NKAIN1: variants seen among roughly 807,000 people sequenced by gnomAD.
The protein encoded by NKAIN1 is sodium/potassium-transporting ATPase subunit beta-1-interacting protein 1.
NKAIN1 carries 13 observed loss-of-function variants against 31.6 expected under a neutral mutation model. That is an observed-to-expected ratio of 0.41 (90% CI 0.27 to 0.65). The LOEUF (loss-of-function observed/expected upper bound fraction) is 0.65. Among genes scored for constraint, NKAIN1 ranks in the 30% least tolerant of loss-of-function variants. The probability of loss-of-function intolerance (pLI) is 0.30; values close to 1 mark genes in which losing one functional copy is unlikely to be tolerated. For synonymous variants in NKAIN1, 104 were observed against 109.0 expected (o/e 0.95, Z 0.28); for missense variants, 193 against 262.2 (o/e 0.74, Z 1.82).
chr1:31,226,213 C>T (rs568555716), intron 1 of NKAIN1, among the ~76,000 whole-genome samples: 17 of 152,168 alleles, frequency 1.1e-4, no homozygotes, highest in African/African-American at 1.9e-4. Flanking sequence ...CCGCGTTAAG[C>T]GCCAGGATTT....
At chr1:31,216,157 G>A (rs573362550) in intron 1 of NKAIN1, among the ~76,000 whole-genome samples, 2 of 151,756 alleles carry the variant, frequency 1.3e-5, no homozygotes, top group South Asian at 4.2e-4. Flanking sequence ...AGGAGCACGG[G>A]GGAACGGAAT....
In NKAIN1 at chr1:31,181,659, C is replaced by A; in HGVS notation, c.*44G>T. The A allele has an allele frequency of 5.6e-6, 8 of 1,429,574 alleles. No homozygotes were observed. Among genetic ancestry groups the A allele is most frequent in the South Asian group, 1.6e-5 (1 of 64,308 alleles). 88.6% of individuals were successfully genotyped at this position (1,429,574 alleles called of 1,614,324 possible). A position where few individuals can be genotyped will look rare whatever the true frequency, so the allele number is the denominator to read the frequency against. On this transcript the variant is annotated 3_prime_UTR_variant, in exon 7 of 7. Coordinates refer to ENST00000373736, the MANE Select transcript of NKAIN1 (RefSeq NM_024522.3). Reference sequence around the variant, plus strand: ...CCTTGGCCCGAGCTCGCGGCAGCTGCGGTCAGCCCAGGGCGAGGCGCCGGG... The same window carrying A: ...CCTTGGCCCGAGCTCGCGGCAGCTGAGGTCAGCCCAGGGCGAGGCGCCGGG...
intron 1 of NKAIN1, among the ~76,000 whole-genome samples, chr1:31,238,941 C>T (rs1266378734): frequency 2.0e-5 from 3 of 152,022 alleles, no homozygotes; most frequent in Non-Finnish European, 4.4e-5. Context: ...GTCTAAGATC[C>T]CAGAACACAG....
At chr1:31,221,476 G>A (rs866021005) in intron 1 of NKAIN1, among the ~76,000 whole-genome samples, 8 of 151,974 alleles carry the variant, frequency 5.3e-5, no homozygotes, top group Admixed American at 5.2e-4. Context: ...TTGCTCTGTC[G>A]CCAGGCTGGA....
intron 1 of NKAIN1, among the ~76,000 whole-genome samples, chr1:31,218,887 G>A (rs1245977254): frequency 2.6e-5 from 4 of 152,312 alleles, no homozygotes; most frequent in East Asian, 1.9e-4. Context: ...GCCTGGGGAC[G>A]GCAGTGCGCT....
intron 1 of NKAIN1, among the ~76,000 whole-genome samples, chr1:31,200,456 CTCTT>C (rs1468357845): frequency 1.0e-5 from 1 of 100,074 alleles, no homozygotes; most frequent in East Asian, 2.7e-4. Context: ...AGTCTCCTCT[CTCTT>C]TTTTTTTTTT....
intron 1 of NKAIN1, among the ~76,000 whole-genome samples, chr1:31,193,469 G>C (rs1470779716): frequency 6.6e-6 from 1 of 151,886 alleles, no homozygotes; most frequent in African/African-American, 2.4e-5. Context: ...GGCCAAGGTG[G>C]GTGGATCACG....
Position 31,180,536 on chromosome 1 carries a change from G to A in NKAIN1, c.*1167C>T, listed in dbSNP as rs1453839177. ...GCCATTGGATTGGTTGTAAATGCTG[G>A]TGATCTGTAAACACTGGAGTCTGGG... On this transcript the variant is annotated 3_prime_UTR_variant, in exon 7 of 7. Transcript: ENST00000373736. The A allele has an allele frequency of 6.6e-6, 1 of 152,256 alleles. No homozygotes were observed. The highest frequency in any genetic ancestry group is 1.5e-5 in the Non-Finnish European group (1 of 68,120). The allele number at this position is 152,256 out of a possible 1,614,324, so 9.4% of individuals were successfully genotyped here.
intron 1 of NKAIN1, among the ~76,000 whole-genome samples, chr1:31,228,255 C>T (rs1293801292): frequency 1.3e-5 from 2 of 152,100 alleles, no homozygotes; most frequent in African/African-American, 2.4e-5. Context: ...CCACCTCCTC[C>T]CAAAAAACAG....
intron 1 of NKAIN1, among the ~76,000 whole-genome samples, chr1:31,189,839 C>T (rs1332267903): frequency 6.6e-6 from 1 of 152,210 alleles, no homozygotes; most frequent in African/African-American, 2.4e-5. Context: ...TGCCAGGATA[C>T]CTGAATGGGT....
Position 31,239,452 on chromosome 1 carries a change from G to T in NKAIN1, c.54+42C>A. 7.0e-7 allele frequency: 1 copy of T among 1,419,828 alleles called. No individual in the cohort carries two copies. The highest frequency in any genetic ancestry group is 1.5e-5 in the African/African-American group (1 of 66,706). The allele number at this position is 1,419,828 out of a possible 1,614,324, so 88.0% of individuals were successfully genotyped here. A position where few individuals can be genotyped will look rare whatever the true frequency, so the allele number is the denominator to read the frequency against. Reference sequence around the variant, plus strand: ...GCACGCCCTGGGACCGCGCCCCGCCGCGCCCCACCCTGCCCCGACTGCCTG... The same window carrying T: ...GCACGCCCTGGGACCGCGCCCCGCCTCGCCCCACCCTGCCCCGACTGCCTG... On this transcript the variant is annotated intron_variant, in intron 1 of 6. Transcript: ENST00000373736. This position sits in a 1 kb window ranked among gnomAD's most constrained non-coding sequence, Gnocchi z 4.8.
intron 1 of NKAIN1, among the ~76,000 whole-genome samples, chr1:31,232,860 T>C (rs1645665197): frequency 6.6e-6 from 1 of 152,116 alleles, no homozygotes; most frequent in Non-Finnish European, 1.5e-5. Context: ...TCCTGTTTCC[T>C]TGGAGAGATG....
intron 1 of NKAIN1, among the ~76,000 whole-genome samples, chr1:31,217,163 G>A (rs112779111): frequency 5.7e-4 from 87 of 151,646 alleles, no homozygotes; most frequent in Middle Eastern, 3.4e-3. Context: ...ACCGTGCCGC[G>A]GCATTGACTT....
rs1012542480 is a variant in NKAIN1 at position 31,181,798 on chromosome 1, C to A, written c.614+62G>T. 7.0e-6 allele frequency: 11 copies of A among 1,564,316 alleles called. No individual in the cohort carries two copies. In the African/African-American group the frequency reaches 1.5e-4, roughly 21 times the overall value. On this transcript the variant is annotated intron_variant, in intron 6 of 6. Transcript: ENST00000373736. ...CCGGTTGCCCTGCCCACTCCTCCAT[C>A]CCCTCCTTTTCGCAACCCCGACGCC...
chr1:31,209,828 A>G (rs369131549), intron 1 of NKAIN1, among the ~76,000 whole-genome samples: 1 of 135,718 alleles, frequency 7.4e-6, no homozygotes, highest in Non-Finnish European at 1.6e-5. Context: ...AAAAAGAAAG[A>G]AAAAAAAAGT....
At chr1:31,208,454 T>G (rs779786053) in intron 1 of NKAIN1, among the ~76,000 whole-genome samples, 17 of 152,314 alleles carry the variant, frequency 1.1e-4, no homozygotes, top group Non-Finnish European at 2.1e-4. Flanking sequence ...GAAGCCTTTC[T>G]TCCTTGCTAA....
chr1:31,218,771 G>C (rs889233361), intron 1 of NKAIN1, among the ~76,000 whole-genome samples: 2 of 152,202 alleles, frequency 1.3e-5, no homozygotes, highest in Admixed American at 1.3e-4. Flanking sequence ...GCCTGTCATA[G>C]TCGACAACCA....
intron 1 of NKAIN1, among the ~76,000 whole-genome samples, chr1:31,203,948 G>A (rs1450867155): frequency 6.6e-6 from 1 of 152,136 alleles, no homozygotes. Context: ...CGACAAATGA[G>A]CACACCCCCA....
intron 1 of NKAIN1, among the ~76,000 whole-genome samples, chr1:31,202,244 C>A (rs1432766406): frequency 2.6e-5 from 4 of 152,226 alleles, no homozygotes; most frequent in Admixed American, 1.3e-4. Flanking sequence ...GCAGATCCAA[C>A]CCACTGCACC....
Sources: gnomAD v4.1 joint callset for allele counts (sites outside exome capture counted in the v4.1 genomes callset) on GRCh38, gnomAD v4.1.1 for gene constraint, Gnocchi (gnomAD v3.1) non-coding constraint, MANE v1.5 for transcripts, NCBI Gene and HGNC (gene_info 2026-07-23, HGNC 2026-07-21) for gene names.